Variants in CHD4 observed in about 807,000 individuals in gnomAD.
CHD4 encodes the protein ATP-dependent chromatin remodeler CHD4.
CHD4 carries 35 observed loss-of-function variants against 235.5 expected under a neutral mutation model. The ratio of observed to expected loss-of-function variants is 0.15; its 90% CI spans 0.11 to 0.20. The LOEUF (loss-of-function observed/expected upper bound fraction) is 0.20, where lower values mean the gene tolerates loss of function less well. CHD4 is among the 10% of genes least tolerant of loss of function. The pLI, the probability that CHD4 is intolerant of heterozygous loss-of-function variation, is 1.00. For missense variants in CHD4, 1,329 were observed against 2,432.3 expected, an observed-to-expected ratio of 0.55 and a Z score of 9.54; for synonymous variants, 900 against 850.2, an observed-to-expected ratio of 1.06 and a Z score of -1.02.
rs938339893 is a variant in CHD4 at position 6,593,770 on chromosome 12, G to C, written c.2314-154C>G. ...TCACCTTCCTCTATACAAGTGCCCAGCCCACTCCTTTCCAAAAACCCAAGG... is the reference window on the plus strand; with the variant it reads ...TCACCTTCCTCTATACAAGTGCCCACCCCACTCCTTTCCAAAAACCCAAGG... On this transcript the variant is annotated intron_variant, in intron 15 of 39. Coordinates refer to ENST00000544040, the MANE Select transcript of CHD4 (RefSeq NM_001273.5). The surrounding 1 kb of genome is among the most constrained non-coding windows in gnomAD (Gnocchi z 4.9). 6.6e-6 allele frequency among the ~76,000 whole-genome samples: 1 copy of C among 152,098 alleles called. No homozygotes were observed. The highest frequency in any genetic ancestry group is 1.5e-5 in the Non-Finnish European group (1 of 68,028).
At chr12:6,580,674 T>C (rs1198630231) in intron 33 of CHD4, 3 of 168,972 alleles carry the variant, frequency 1.8e-5, no homozygotes, top group African/African-American at 9.7e-5. Flanking sequence ...ACCATTGCAC[T>C]CCAGCCTGGG....
intron 37 of CHD4, among the ~76,000 whole-genome samples, chr12:6,574,697 G>C (rs1473110576): frequency 3.9e-5 from 6 of 152,166 alleles, no homozygotes; most frequent in Non-Finnish European, 7.3e-5. Context: ...GCTGATTTGT[G>C]AGAAATACCA....
intron 10 of CHD4, among the ~76,000 whole-genome samples, chr12:6,599,395 G>A (rs890742928): frequency 6.6e-6 from 1 of 151,692 alleles, no homozygotes; most frequent in East Asian, 1.9e-4. Context: ...AGCTATGACT[G>A]CACCACTGCA....
rs548484576 is a variant in CHD4, at chr12:6,587,666, G to C, written c.3703+46C>G. 312 of 1,608,174 alleles carry C rather than the reference G, an allele frequency of 1.9e-4. 2 individuals are homozygous for C. The South Asian group carries it at 3.2e-3, about 17-fold the overall frequency. On this transcript the variant is annotated intron_variant, in intron 24 of 39. Transcript: ENST00000544040. ...TATCAAAGATTCTCCCTAACCTTTA[G>C]AGAGGCCAAGCCCCACACCAAAACG...
At chr12:6,599,079 C>G (rs1175379014) in intron 10 of CHD4, among the ~76,000 whole-genome samples, 1 of 152,204 alleles carries the variant, frequency 6.6e-6, no homozygotes, top group Non-Finnish European at 1.5e-5. Flanking sequence ...AGGAAATCAA[C>G]AGACTTAGAG....
At chr12:6,579,750 C>CAA (rs61518872) in intron 33 of CHD4, among the ~76,000 whole-genome samples, 39 of 73,474 alleles carry the variant, frequency 5.3e-4, no homozygotes, top group South Asian at 1.7e-3. Context: ...GACTCCGTCT[C>CAA]AAAAAAAAAA....
chr12:6,596,796 T>C (rs1033589270), intron 12 of CHD4, among the ~76,000 whole-genome samples: 7 of 145,112 alleles, frequency 4.8e-5, no homozygotes, highest in African/African-American at 7.7e-5. Context: ...CGAGACTCCA[T>C]TTCAAAAAAA....
Position 6,606,405 on chromosome 12 carries a change from A to G in CHD4, c.-32T>C. On this transcript the variant is annotated 5_prime_UTR_variant, in exon 2 of 40. Transcript: ENST00000544040. ...CCGCTCCCGGCCAGGGAATTGGCCCAGCTGCTCCTGCCGGCGGCCTGAGGA... is the reference window on the plus strand; with the variant it reads ...CCGCTCCCGGCCAGGGAATTGGCCCGGCTGCTCCTGCCGGCGGCCTGAGGA... 1 of 1,502,642 alleles carries G rather than the reference A, an allele frequency of 6.7e-7. No individual in the cohort carries two copies. Among genetic ancestry groups the G allele is most frequent in the Non-Finnish European group, 9.0e-7 (1 of 1,109,248 alleles). 93.1% of individuals were successfully genotyped at this position (1,502,642 alleles called of 1,614,324 possible). A position where few individuals can be genotyped will look rare whatever the true frequency, so the allele number is the denominator to read the frequency against.
chr12:6,592,831 T>A lies in CHD4; in HGVS notation c.2653-14A>T, dbSNP rs1394944004. On this transcript the variant is annotated splice_polypyrimidine_tract_variant and intron_variant, in intron 17 of 39. Transcript: ENST00000544040. ...TACCCGGAAGAACTGGTGAAGCAGA[T>A]GGAGAAAGGTGAAATCCAATGAAAA... is the stretch of plus-strand genomic sequence containing the variant. 1.9e-6 allele frequency: 3 copies of A among 1,603,852 alleles called. No homozygotes were observed. In the Admixed American group the frequency reaches 5.2e-5, roughly 28 times the overall value.
chr12:6,577,978 C>T (rs1407744784), intron 36 of CHD4, 51 bp downstream of exon 36: 6 of 1,611,512 alleles, frequency 3.7e-6, no homozygotes, highest in Admixed American at 1.7e-5. Flanking sequence ...AACTAAAAGA[C>T]CTTCAGAACC....
rs1162131447 is a variant in CHD4 at position 6,591,840 on chromosome 12, A to G, written c.3091-15T>C. ...TTAGGAGCTTCCTGAGAACAAATGC[A>G]AAGAAAAAAGTATTAAAAGAAAGCC... On this transcript the variant is annotated splice_polypyrimidine_tract_variant and intron_variant, in intron 20 of 39. Coordinates refer to ENST00000544040, the MANE Select transcript of CHD4 (RefSeq NM_001273.5). 1.9e-6 allele frequency: 3 copies of G among 1,613,932 alleles called. No individual in the cohort carries two copies. The highest frequency in any genetic ancestry group is 2.2e-5 in the South Asian group (2 of 91,070).
chr12:6,595,955 T>TC (rs1480829547), intron 13 of CHD4, 51 bp downstream of exon 13: 3 of 1,244,826 alleles, frequency 2.4e-6, no homozygotes, highest in Non-Finnish European at 3.3e-6. Context: ...AGACTCCATC[T>TC]CAAAAAAAAA....
intron 2 of CHD4, among the ~76,000 whole-genome samples, chr12:6,604,303 T>A (rs371270045): frequency 6.6e-6 from 1 of 151,996 alleles, no homozygotes; most frequent in East Asian, 1.9e-4. Context: ...ATATCCCTCC[T>A]TCAATCCCTG....
rs375962772 is a variant in CHD4 at position 6,582,812 on chromosome 12, G to A, written c.4236+36C>T. ...GCATTCCACCAAAGATGCAATATCT[G>A]ACACTCACCCCTCCTTAGAATCGTA... On this transcript the variant is annotated intron_variant, in intron 28 of 39. Coordinates refer to ENST00000544040, the MANE Select transcript of CHD4 (RefSeq NM_001273.5). 8.7e-5 allele frequency: 141 copies of A among 1,613,932 alleles called. No individual in the cohort carries two copies. The African/African-American group carries it at 1.7e-3, about 19-fold the overall frequency.
chr12:6,570,470 G>A lies in CHD4; in HGVS notation c.*206C>T, dbSNP rs1216061990. On this transcript the variant is annotated 3_prime_UTR_variant, in exon 40 of 40. Transcript: ENST00000544040. ...GCCAGCTCCTGCAGATGGCGCCAGCGCTACTGCTGCATGTCTCTTCTGCAG... is the reference window on the plus strand; with the variant it reads ...GCCAGCTCCTGCAGATGGCGCCAGCACTACTGCTGCATGTCTCTTCTGCAG... 3.2e-6 allele frequency: 2 copies of A among 618,048 alleles called. No individual in the cohort carries two copies. Among genetic ancestry groups the A allele is most frequent in the African/African-American group, 1.9e-5 (1 of 53,954 alleles). 38.3% of individuals were successfully genotyped at this position (618,048 alleles called of 1,614,324 possible).
In CHD4 at chr12:6,601,330, A is replaced by G. The variant is rs766029032; in HGVS notation, c.758T>C (p.Val253Ala). 12 of 1,614,022 alleles carry G rather than the reference A, an allele frequency of 7.4e-6. No homozygotes were observed. In the South Asian group the frequency reaches 1.2e-4, roughly 16 times the overall value. Residue 253 changes from valine (V) to alanine (A), a missense_variant, in exon 6 of 40, where the codon GTG (valine) becomes GCG (alanine). Physicochemically the swap from Val to Ala is moderately conservative, Grantham distance 64. Coordinates refer to ENST00000544040, the MANE Select transcript of CHD4 (RefSeq NM_001273.5). ...ATEVAPPPPP[V>A]EVPIRKAKTK... The stretch of plus-strand genomic sequence containing the variant: ...CTTGGCCTTGCGGATAGGCACCTCC[A>G]CAGGGGGAGGTGGTGGTGCAACCTC...
intron 33 of CHD4, among the ~76,000 whole-genome samples, chr12:6,580,052 T>A (rs1948151421): frequency 9.2e-6 from 1 of 108,864 alleles, no homozygotes; most frequent in Admixed American, 1.0e-4. Context: ...CGAGACTCCG[T>A]CTCAAAAAAA....
rs762228597 is a variant in CHD4 at position 6,600,568 on chromosome 12, G to A, written c.1029C>T (p.Arg343=). The stretch of plus-strand genomic sequence containing the variant: ...TCTTTTTAGTGGTTCGGAGTTTCTT[G>A]CGGCTGCGGCTACTACGGCTGGTGG... The part of the protein sequence containing the change: ...DGSTSRSSRS[R]KKLRTTKKKK... Residue 343 remains arginine (R), a synonymous_variant, in exon 8 of 40, where the codon CGC becomes CGT. Transcript: ENST00000544040. The A allele has an allele frequency of 1.2e-6, 2 of 1,610,968 alleles. No individual in the cohort carries two copies. The highest frequency in any genetic ancestry group is 1.1e-5 in the South Asian group (1 of 90,984).
chr12:6,594,887 TCA>T (rs1948459420), intron 14 of CHD4, among the ~76,000 whole-genome samples: 1 of 152,190 alleles, frequency 6.6e-6, no homozygotes, highest in Non-Finnish European at 1.5e-5. Flanking sequence ...GAAAAGCACG[TCA>T]CAGACTCCCT....
Sources: gnomAD v4.1 joint callset for allele counts (sites outside exome capture counted in the v4.1 genomes callset) on GRCh38, gnomAD v4.1.1 for gene constraint, Gnocchi (gnomAD v3.1) non-coding constraint, MANE v1.5 for transcripts, NCBI Gene and HGNC (gene_info 2026-07-23, HGNC 2026-07-21) for gene names.